The following CAMK4 variants were observed in gnomAD, a reference collection of about 807,000 sequenced individuals.
CAMK4 encodes calcium/calmodulin-dependent protein kinase type IV.
In CAMK4, 22 loss-of-function variants were observed where a neutral mutation model predicts 44.9. That is an observed-to-expected ratio of 0.49 (90% CI 0.35 to 0.70). The LOEUF (loss-of-function observed/expected upper bound fraction) is 0.70, where lower values mean the gene tolerates loss of function less well. Ranked by LOEUF, CAMK4 falls within the 30% of genes least tolerant of loss-of-function variation. The pLI, the probability that CAMK4 is intolerant of heterozygous loss-of-function variation, is 0.01. For missense variants in CAMK4, 498 were observed against 586.8 expected (o/e 0.85, Z 1.56); for synonymous variants, 218 against 215.4 (o/e 1.01, Z -0.11).
intron 1 of CAMK4, among the ~76,000 whole-genome samples, chr5:111,269,492 G>T (rs1266486318): frequency 6.6e-5 from 10 of 152,096 alleles, no homozygotes; most frequent in Admixed American, 5.2e-4. Flanking sequence ...ACCTTCCTGG[G>T]TCCTTGCTGT....
intron 7 of CAMK4, among the ~76,000 whole-genome samples, chr5:111,460,334 C>T (rs185943549): frequency 2.5e-4 from 33 of 131,194 alleles, no homozygotes; most frequent in African/African-American, 7.9e-4. Flanking sequence ...GTGGTGCAAT[C>T]GATCTTGGCT....
intron 8 of CAMK4, among the ~76,000 whole-genome samples, chr5:111,477,151 G>C (rs1755274587): frequency 6.6e-6 from 1 of 152,184 alleles, no homozygotes; most frequent in Non-Finnish European, 1.5e-5. Flanking sequence ...TCTTCCACAG[G>C]TGGGTCAGGA....
chr5:111,440,526 C>A (rs1450976241), intron 5 of CAMK4, among the ~76,000 whole-genome samples: 1 of 151,944 alleles, frequency 6.6e-6, no homozygotes, highest in Non-Finnish European at 1.5e-5. Flanking sequence ...TCACTGAGAC[C>A]TTTTTCAAGA....
intron 1 of CAMK4, among the ~76,000 whole-genome samples, chr5:111,303,565 A>G (rs1747824571): frequency 1.8e-5 from 2 of 113,594 alleles, no homozygotes; most frequent in African/African-American, 8.3e-5. Flanking sequence ...AAAAGAAATG[A>G]GCAAAGCCTC....
At chr5:111,256,777 G>C (rs1027833917) in intron 1 of CAMK4, among the ~76,000 whole-genome samples, 5 of 152,008 alleles carry the variant, frequency 3.3e-5, no homozygotes, top group African/African-American at 1.2e-4. Context: ...TATTATTTTT[G>C]AAAATGTATT....
In CAMK4 at chr5:111,475,273, T is replaced by A. The variant is rs574345685; in HGVS notation, c.701+1887T>A. ...TGTAGGTTTGCCCCTAAAGTATAAA[T>A]ATACCCAATTTAGGTACCAGTGTAC... On this transcript the variant is annotated intron_variant, in intron 8 of 10. Transcript: ENST00000282356. Among the ~76,000 whole-genome samples, 4 of 152,272 alleles carry A rather than the reference T, an allele frequency of 2.6e-5. No homozygotes were observed. In the East Asian group the frequency reaches 7.7e-4, roughly 29 times the overall value.
chr5:111,411,577 G>A (rs1752633299), intron 5 of CAMK4, among the ~76,000 whole-genome samples: 1 of 152,154 alleles, frequency 6.6e-6, no homozygotes, highest in South Asian at 2.1e-4. Flanking sequence ...GCTGGAGGCT[G>A]GAAACATGAC....
chr5:111,242,753 C>G (rs1000897202), intron 1 of CAMK4, among the ~76,000 whole-genome samples: 1 of 152,166 alleles, frequency 6.6e-6, no homozygotes, highest in Non-Finnish European at 1.5e-5. Flanking sequence ...GCTATTTTTC[C>G]TCACCCAGGA....
Position 111,494,113 on chromosome 5 carries a change from T to C in CAMK4, c.*9647T>C, listed in dbSNP as rs1196613186. 6.6e-6 allele frequency: 1 copy of C among 152,134 alleles called. No homozygotes were observed. The highest frequency in any genetic ancestry group is 1.5e-5 in the Non-Finnish European group (1 of 68,026). 9.4% of individuals were successfully genotyped at this position (152,134 alleles called of 1,614,324 possible). On this transcript the variant is annotated 3_prime_UTR_variant, in exon 11 of 11. Transcript: ENST00000282356. ...GGATATAAGCAGCTCAATAGCAGCA[T>C]AGAGGATTAGATTAATGGAACAGCA...
At chr5:111,374,966 A>T in intron 3 of CAMK4, 54 bp downstream of exon 3, 1 of 1,218,652 alleles carries the variant, frequency 8.2e-7, no homozygotes, top group African/African-American at 1.5e-5. Context: ...AGAGAAAGGG[A>T]CCTTTGTCCT....
intron 1 of CAMK4, among the ~76,000 whole-genome samples, chr5:111,288,516 T>C (rs920900105): frequency 2.6e-5 from 4 of 152,236 alleles, no homozygotes; most frequent in African/African-American, 9.6e-5. Context: ...ATTTTTCTGA[T>C]TACTAAGAGT....
intron 4 of CAMK4, among the ~76,000 whole-genome samples, chr5:111,391,197 A>G (rs1305510956): frequency 1.3e-5 from 2 of 152,174 alleles, no homozygotes; most frequent in Non-Finnish European, 2.9e-5. Flanking sequence ...TAATCAGTGT[A>G]GAGACGGTAA....
intron 2 of CAMK4, among the ~76,000 whole-genome samples, chr5:111,360,266 C>CT (rs1264669903): frequency 3.9e-5 from 6 of 152,112 alleles, no homozygotes; most frequent in Middle Eastern, 3.4e-3. Flanking sequence ...CAATGTTTTC[C>CT]TTACCCTGTT....
chr5:111,396,416 A>G (rs951466214), intron 5 of CAMK4, among the ~76,000 whole-genome samples: 5 of 152,084 alleles, frequency 3.3e-5, no homozygotes, highest in Non-Finnish European at 7.4e-5. Flanking sequence ...TTCATCACAC[A>G]TAACATATTT....
chr5:111,432,452 A>G (rs1580745474), intron 5 of CAMK4, among the ~76,000 whole-genome samples: 1 of 151,924 alleles, frequency 6.6e-6, no homozygotes, highest in African/African-American at 2.4e-5. Flanking sequence ...ATAGCACAAT[A>G]TGGTGATTAT....
chr5:111,349,589 G>T (rs1447630591), intron 2 of CAMK4, among the ~76,000 whole-genome samples: 1 of 151,922 alleles, frequency 6.6e-6, no homozygotes, highest in East Asian at 1.9e-4. Flanking sequence ...CTTCAAACTG[G>T]ACTGAACTCT....
At chr5:111,252,734 C>A (rs1348167990) in intron 1 of CAMK4, among the ~76,000 whole-genome samples, 1 of 152,194 alleles carries the variant, frequency 6.6e-6, no homozygotes, top group African/African-American at 2.4e-5. Flanking sequence ...TTGTGACTCA[C>A]TACATTTTTC....
At chr5:111,375,011 C>A in intron 3 of CAMK4, 99 bp downstream of exon 3, 1 of 773,744 alleles carries the variant, frequency 1.3e-6, no homozygotes, top group Non-Finnish European at 2.3e-6. Flanking sequence ...AGGGATTCTC[C>A]CACCACTGAT....
At chr5:111,316,753 A>G (rs577456487) in intron 1 of CAMK4, among the ~76,000 whole-genome samples, 79 of 152,318 alleles carry the variant, frequency 5.2e-4, no homozygotes, top group Non-Finnish European at 9.0e-4. Context: ...TCTGGCATTG[A>G]TAAATCACCA....
Sources: allele counts gnomAD v4.1 joint callset (sites outside exome capture counted in the v4.1 genomes callset), GRCh38; gene constraint gnomAD v4.1.1; transcripts MANE v1.5; gene names NCBI Gene and HGNC (gene_info 2026-07-23, HGNC 2026-07-21).